Variants in SOS2 observed in about 807,000 individuals in gnomAD.
SOS2 encodes the protein SOS Ras/Rho guanine nucleotide exchange factor 2, also known as son of sevenless homolog 2.
A neutral mutation model predicts 148.2 loss-of-function variants in SOS2; 65 were observed. The ratio of observed to expected loss-of-function variants is 0.44; its 90% CI spans 0.36 to 0.54. SOS2 has a LOEUF of 0.54. SOS2 is among the 20% of genes least tolerant of loss of function. The pLI, the probability that SOS2 is intolerant of heterozygous loss-of-function variation, is 0.00. For missense variants in SOS2, 1,341 were observed against 1,590.2 expected (o/e 0.84, Z 2.67); for synonymous variants, 539 against 537.1 (o/e 1.00, Z -0.05).
intron 18 of SOS2, among the ~76,000 whole-genome samples, chr14:50,136,003 T>C (rs1479390174): frequency 6.6e-6 from 1 of 152,148 alleles, no homozygotes; most frequent in African/African-American, 2.4e-5. Flanking sequence ...TGGTACTAGG[T>C]TTTAGCTTTA....
intron 2 of SOS2, among the ~76,000 whole-genome samples, 168 bp downstream of exon 2, chr14:50,204,116 C>CT (rs1450788240): frequency 6.6e-6 from 1 of 151,758 alleles, no homozygotes; most frequent in East Asian, 1.9e-4. Flanking sequence ...AAAAACTTGC[C>CT]TTTCCTCAAT....
chr14:50,218,522 C>A (rs1404946034), intron 1 of SOS2, among the ~76,000 whole-genome samples: 3 of 151,234 alleles, frequency 2.0e-5, no homozygotes, highest in Non-Finnish European at 3.0e-5. Flanking sequence ...GACTCCATCC[C>A]CCCAAAAAAA....
At chr14:50,131,452 T>C (rs1883862411) in intron 19 of SOS2, among the ~76,000 whole-genome samples, 1 of 152,206 alleles carries the variant, frequency 6.6e-6, no homozygotes. Context: ...GCATGGCAAA[T>C]GTCTATTATG....
chr14:50,185,862 T>C (rs74802850), intron 5 of SOS2, among the ~76,000 whole-genome samples: 2,010 of 152,196 alleles, frequency 0.013, 40 homozygotes, highest in African/African-American at 0.045. Flanking sequence ...TAACCTAATA[T>C]CCTTATTAGA....
At chr14:50,127,254 G>C (rs542277998) in intron 21 of SOS2, among the ~76,000 whole-genome samples, 2 of 149,108 alleles carry the variant, frequency 1.3e-5, no homozygotes, top group Admixed American at 6.9e-5. Context: ...CAATTCTCCT[G>C]TCTCAGCCTC....
At chr14:50,218,245 G>A (rs528306631) in intron 1 of SOS2, among the ~76,000 whole-genome samples, 7 of 136,822 alleles carry the variant, frequency 5.1e-5, no homozygotes, top group East Asian at 2.2e-4. Flanking sequence ...AAAAAAGGCC[G>A]AGTGAGATGG....
At chr14:50,210,968 A>C (rs1886850235) in intron 1 of SOS2, among the ~76,000 whole-genome samples, 1 of 152,078 alleles carries the variant, frequency 6.6e-6, no homozygotes, top group South Asian at 2.1e-4. Flanking sequence ...ACTTTCAAAA[A>C]CTTTGCCATT....
chr14:50,145,402 G>C, intron 15 of SOS2, 70 bp from the exon 16 acceptor site: 1 of 1,558,368 alleles, frequency 6.4e-7, no homozygotes, highest in Non-Finnish European at 8.7e-7. Context: ...ATAATTATGA[G>C]TAGCCAGAAT....
chr14:50,205,998 T>C (rs1470499506), intron 1 of SOS2, among the ~76,000 whole-genome samples: 1 of 152,208 alleles, frequency 6.6e-6, no homozygotes, highest in Non-Finnish European at 1.5e-5. Context: ...CCTTCTTTCA[T>C]TTCTAATATT....
intron 1 of SOS2, among the ~76,000 whole-genome samples, chr14:50,223,256 C>G (rs1034692440): frequency 3.3e-5 from 5 of 152,106 alleles, no homozygotes; most frequent in African/African-American, 1.2e-4. Flanking sequence ...AAAAAGTTGG[C>G]CGGGTGTGGT....
At chr14:50,221,689 T>C (rs1400081493) in intron 1 of SOS2, among the ~76,000 whole-genome samples, 2 of 152,114 alleles carry the variant, frequency 1.3e-5, no homozygotes, top group Non-Finnish European at 2.9e-5. Context: ...TTTTAAAAAA[T>C]TAGCCAAGTG....
intron 14 of SOS2, among the ~76,000 whole-genome samples, chr14:50,149,045 C>T (rs577572684): frequency 1.6e-4 from 25 of 152,246 alleles, no homozygotes; most frequent in African/African-American, 4.1e-4. Context: ...ACTACAGGCA[C>T]GAGCCACCAT....
At chr14:50,162,829 T>C (rs371039880) in intron 8 of SOS2, among the ~76,000 whole-genome samples, 1 of 152,174 alleles carries the variant, frequency 6.6e-6, no homozygotes, top group East Asian at 1.9e-4. Flanking sequence ...TATTTCACTC[T>C]CAGAAAGAAA....
At chr14:50,197,934 C>T (rs975000420) in intron 4 of SOS2, among the ~76,000 whole-genome samples, 2 of 151,646 alleles carry the variant, frequency 1.3e-5, no homozygotes, top group African/African-American at 4.8e-5. Flanking sequence ...AAGTGACCTG[C>T]CCGCCTCAGC....
chr14:50,211,606 T>A (rs1371509999), intron 1 of SOS2, among the ~76,000 whole-genome samples: 4 of 54,820 alleles, frequency 7.3e-5, no homozygotes, highest in Admixed American at 4.8e-4. Flanking sequence ...ATTTATTTTT[T>A]AATTAATTAT....
At chr14:50,122,399 T>TC (rs990881545) in intron 21 of SOS2, among the ~76,000 whole-genome samples, 15 of 144,136 alleles carry the variant, frequency 1.0e-4, no homozygotes, top group African/African-American at 4.0e-4. Context: ...GGCTTTTTTT[T>TC]TTTTTTTTTT....
chr14:50,133,412 C>A (rs1383289397), intron 19 of SOS2, among the ~76,000 whole-genome samples: 2 of 151,892 alleles, frequency 1.3e-5, no homozygotes, highest in Non-Finnish European at 2.9e-5. Context: ...GTTGCCCAAG[C>A]TGGTCTCAAA....
At chr14:50,215,171 A>G (rs1887009857) in intron 1 of SOS2, among the ~76,000 whole-genome samples, 1 of 151,954 alleles carries the variant, frequency 6.6e-6, no homozygotes, top group Non-Finnish European at 1.5e-5. Flanking sequence ...ATAAAAAGCC[A>G]AGGGCCCCAC....
Position 50,147,356 on chromosome 14 carries a change from A to T in SOS2, c.2385-1760T>A, listed in dbSNP as rs184982759. Among the ~76,000 whole-genome samples the T allele has an allele frequency of 6.4e-3, 969 of 151,988 alleles. 9 individuals carry two copies. The highest frequency in any genetic ancestry group is 0.035 in the South Asian group (167 of 4,822). ...GACCTCATCTCTATGAAATTTTTTT[A>T]AAAAAATTAGCCAGGTATGGTGGTG... On this transcript the variant is annotated intron_variant, in intron 14 of 22. Transcript: ENST00000216373.
Sources: gnomAD v4.1 joint callset for allele counts (sites outside exome capture counted in the v4.1 genomes callset) on GRCh38, gnomAD v4.1.1 for gene constraint, MANE v1.5 for transcripts, NCBI Gene and HGNC (gene_info 2026-07-23, HGNC 2026-07-21) for gene names.